Variants in CAMK4 observed in about 807,000 individuals in gnomAD.
CAMK4 encodes the protein calcium/calmodulin dependent protein kinase IV, also known as calcium/calmodulin-dependent protein kinase type IV.
A neutral mutation model predicts 44.9 loss-of-function variants in CAMK4; 22 were observed. The ratio of observed to expected loss-of-function variants is 0.49; its 90% confidence interval spans 0.35 to 0.70. The LOEUF is 0.70. Ranked by LOEUF, CAMK4 falls within the 30% of genes least tolerant of loss-of-function variation. The pLI is 0.01. For synonymous variants in CAMK4, 218 were observed against 215.4 expected (o/e 1.01, Z -0.11); for missense variants, 498 against 586.8 (o/e 0.85, Z 1.56).
chr5:111,459,721 G>A (rs1434631028), intron 7 of CAMK4, among the ~76,000 whole-genome samples: 1 of 119,292 alleles, frequency 8.4e-6, no homozygotes, highest in African/African-American at 3.5e-5. Context: ...TTGAGACGGA[G>A]CCTCGCTGTG....
chr5:111,477,504 G>T (rs368217069), intron 8 of CAMK4, among the ~76,000 whole-genome samples: 9 of 152,092 alleles, frequency 5.9e-5, no homozygotes, highest in African/African-American at 2.2e-4. Context: ...TTTTTAAGCA[G>T]TTCCCTCTTG....
intron 1 of CAMK4, among the ~76,000 whole-genome samples, chr5:111,299,270 T>C (rs1747620469): frequency 6.6e-6 from 1 of 152,222 alleles, no homozygotes; most frequent in African/African-American, 2.4e-5. Flanking sequence ...TAACCACTCA[T>C]GTGAGCTTGT....
At chr5:111,273,495 C>A (rs1750601434) in intron 1 of CAMK4, among the ~76,000 whole-genome samples, 1 of 150,846 alleles carries the variant, frequency 6.6e-6, no homozygotes, top group Non-Finnish European at 1.5e-5. Context: ...TAAAGATGAT[C>A]TTTATTTTTT....
chr5:111,339,230 T>C (rs1448653318), intron 1 of CAMK4, among the ~76,000 whole-genome samples: 1 of 151,322 alleles, frequency 6.6e-6, no homozygotes, highest in Non-Finnish European at 1.5e-5. Flanking sequence ...CTTTCTAGTT[T>C]GATATAATTT....
chr5:111,486,780 A>G lies in CAMK4; in HGVS notation c.*2314A>G, dbSNP rs1419141819. 6.6e-6 allele frequency: 1 copy of G among 152,198 alleles called. No homozygotes were observed. The highest frequency in any genetic ancestry group is 1.5e-5 in the Non-Finnish European group (1 of 68,038). The allele number at this position is 152,198 out of a possible 1,614,324, so 9.4% of individuals were successfully genotyped here. A position where few individuals can be genotyped will look rare whatever the true frequency, so the allele number is the denominator to read the frequency against. On this transcript the variant is annotated 3_prime_UTR_variant, in exon 11 of 11. Coordinates refer to ENST00000282356, the MANE Select transcript of CAMK4 (RefSeq NM_001744.6). ...ATTTTAGAATTTACTCATTTAAATG[A>G]GTGCATATTACCATTCCTCCATGTG... is the stretch of plus-strand genomic sequence containing the variant.
At position 111,466,975 on chromosome 5, in the gene CAMK4, C is replaced by G. The variant is rs1392744156; in HGVS notation, c.626-6336C>G. Among the ~76,000 whole-genome samples, 9 of 152,202 alleles carry G rather than the reference C, an allele frequency of 5.9e-5. No individual in the cohort carries two copies. In the East Asian group the frequency reaches 1.7e-3, roughly 29 times the overall value. On this transcript the variant is annotated intron_variant, in intron 7 of 10. Coordinates refer to ENST00000282356, the MANE Select transcript of CAMK4 (RefSeq NM_001744.6). Reference sequence around the variant, plus strand: ...CCTTAGTCACCAAAACAACATGGTACTGGTATAAAAATAGGCACATAGCTC... The same window carrying G: ...CCTTAGTCACCAAAACAACATGGTAGTGGTATAAAAATAGGCACATAGCTC...
chr5:111,390,718 C>T (rs1192780042), intron 4 of CAMK4, among the ~76,000 whole-genome samples: 1 of 152,064 alleles, frequency 6.6e-6, no homozygotes, highest in Non-Finnish European at 1.5e-5. Context: ...TTTTTCAGTC[C>T]TCCAAAAGCT....
chr5:111,456,268 G>A (rs529938706), intron 7 of CAMK4, among the ~76,000 whole-genome samples: 4 of 152,144 alleles, frequency 2.6e-5, no homozygotes, highest in African/African-American at 4.8e-5. Context: ...TTGGGAGGCC[G>A]AGGCGGGTGG....
intron 1 of CAMK4, chr5:111,302,067 T>C (rs1580553753): frequency 6.6e-6 from 1 of 152,348 alleles, no homozygotes; most frequent in East Asian, 1.9e-4. Flanking sequence ...TCTTTAAGCC[T>C]TTCAGCTACC....
chr5:111,435,242 C>T (rs890744464), intron 5 of CAMK4, among the ~76,000 whole-genome samples: 2 of 152,100 alleles, frequency 1.3e-5, no homozygotes, highest in Admixed American at 1.3e-4. Context: ...ATCATTTATA[C>T]ATTGGTGAAT....
intron 5 of CAMK4, among the ~76,000 whole-genome samples, chr5:111,428,223 C>T (rs767354892): frequency 3.9e-5 from 6 of 152,242 alleles, no homozygotes; most frequent in Non-Finnish European, 5.9e-5. Context: ...CACTACACCA[C>T]GTCCTTTCAA....
At chr5:111,315,488 A>G (rs60990853) in intron 1 of CAMK4, among the ~76,000 whole-genome samples, 1,924 of 152,270 alleles carry the variant, frequency 0.013, 32 homozygotes, top group African/African-American at 0.044. Flanking sequence ...GAAGAAAATT[A>G]AAATTCATTT....
chr5:111,227,648 C>T (rs1475091360), intron 1 of CAMK4, among the ~76,000 whole-genome samples: 6 of 152,162 alleles, frequency 3.9e-5, no homozygotes, highest in Non-Finnish European at 8.8e-5. Flanking sequence ...ATAGTGCTGG[C>T]GAAGGCAGGT....
intron 5 of CAMK4, among the ~76,000 whole-genome samples, chr5:111,429,777 CAAAAAAAAAAAAAA>C (rs70973607): frequency 0.058 from 1,540 of 26,368 alleles, 26 homozygotes; most frequent in Admixed American, 0.081. Flanking sequence ...GACCTCATCT[CAAAAAAAAAAAAAA>C]AAAAAAAAAA....
chr5:111,314,553 A>C (rs1748340016), intron 1 of CAMK4, among the ~76,000 whole-genome samples: 1 of 152,100 alleles, frequency 6.6e-6, no homozygotes, highest in African/African-American at 2.4e-5. Flanking sequence ...TAATCTTTTC[A>C]GAATAATTTT....
intron 4 of CAMK4, among the ~76,000 whole-genome samples, chr5:111,387,893 C>T (rs1471188354): frequency 6.6e-6 from 1 of 152,140 alleles, no homozygotes; most frequent in Non-Finnish European, 1.5e-5. Flanking sequence ...TTTCATTTTC[C>T]TTTGCTTGGT....
intron 5 of CAMK4, among the ~76,000 whole-genome samples, chr5:111,401,583 G>A (rs1012792193): frequency 6.6e-6 from 1 of 151,952 alleles, no homozygotes; most frequent in Non-Finnish European, 1.5e-5. Flanking sequence ...AGATGAAATT[G>A]CAAAAGCTCC....
chr5:111,288,449 C>A (rs558119074), intron 1 of CAMK4, among the ~76,000 whole-genome samples: 2 of 152,160 alleles, frequency 1.3e-5, no homozygotes, highest in Non-Finnish European at 2.9e-5. Flanking sequence ...GTCTCCATTA[C>A]CTCACATCTT....
intron 5 of CAMK4, among the ~76,000 whole-genome samples, chr5:111,436,907 C>T (rs934957679): frequency 6.6e-6 from 1 of 152,214 alleles, no homozygotes; most frequent in African/African-American, 2.4e-5. Context: ...AACTTCAAAG[C>T]ATGTGAAGAA....
Sources: gnomAD v4.1 joint callset for allele counts (sites outside exome capture counted in the v4.1 genomes callset) on GRCh38, gnomAD v4.1.1 for gene constraint, MANE v1.5 for transcripts, NCBI Gene and HGNC (gene_info 2026-07-23, HGNC 2026-07-21) for gene names.